KAZN: variants seen among roughly 807,000 people sequenced by gnomAD.
KAZN encodes the protein kazrin.
Under a neutral mutation model 87.4 loss-of-function variants are expected in KAZN, and 40 were observed. That is an observed-to-expected ratio of 0.46 (90% CI 0.36 to 0.60). The LOEUF is 0.60. Among genes scored for constraint, KAZN ranks in the 20% least tolerant of loss-of-function variants. The probability of loss-of-function intolerance (pLI) is 0.00; values close to 1 mark genes in which losing one functional copy is unlikely to be tolerated. For missense variants in KAZN, 898 were observed against 1,073.9 expected (o/e 0.84, Z 2.29); for synonymous variants, 466 against 458.3 (o/e 1.02, Z -0.22).
chr1:15,074,828 TA>T (rs1639668136), intron 8 of KAZN, among the ~76,000 whole-genome samples: 1 of 152,070 alleles, frequency 6.6e-6, no homozygotes, highest in Non-Finnish European at 1.5e-5. Flanking sequence ...ATGGGGACAA[TA>T]GGGGTGAAAA....
Position 15,046,095 on chromosome 1 carries a change from C to T in KAZN, c.726+1936C>T, listed in dbSNP as rs564032087. On this transcript the variant is annotated intron_variant, in intron 4 of 14. Transcript: ENST00000376030. ...GGTGGATCACCTGAGGTCAGGAGTT[C>T]GAGACCAGCCTGGCTAACACGGTGT... Among the ~76,000 whole-genome samples, 165 of 152,226 alleles carry T rather than the reference C, an allele frequency of 1.1e-3. 1 individual carries two copies. Among genetic ancestry groups the T allele is most frequent in the African/African-American group, 2.4e-3 (98 of 41,522 alleles).
At chr1:15,059,322 T>C (rs1638577639) in intron 5 of KAZN, among the ~76,000 whole-genome samples, 2 of 152,094 alleles carry the variant, frequency 1.3e-5, no homozygotes, top group African/African-American at 4.8e-5. Flanking sequence ...GGCTGAGACC[T>C]GGAGGATGAC....
intron 1 of KAZN, among the ~76,000 whole-genome samples, chr1:14,055,151 A>C (rs896472386): frequency 1.3e-5 from 2 of 152,242 alleles, no homozygotes; most frequent in African/African-American, 4.8e-5. Flanking sequence ...TGTGTAACCC[A>C]GAGTAAGTTA....
At chr1:14,002,347 C>T (rs1639832146) in intron 1 of KAZN, among the ~76,000 whole-genome samples, 1 of 152,138 alleles carries the variant, frequency 6.6e-6, no homozygotes, top group Non-Finnish European at 1.5e-5. Flanking sequence ...GTGAAAGGGA[C>T]CCAGAGGGAG....
intron 1 of KAZN, among the ~76,000 whole-genome samples, chr1:14,895,670 C>A (rs1655187409): frequency 6.6e-6 from 1 of 152,212 alleles, no homozygotes; most frequent in Admixed American, 6.5e-5. Flanking sequence ...TGTCCCAAGT[C>A]TTTTCAGCCC....
At chr1:14,225,339 C>G (rs1856522) in intron 2 of KAZN, among the ~76,000 whole-genome samples, 13,651 of 152,052 alleles carry the variant, frequency 0.09, 1,270 homozygotes, top group African/African-American at 0.22. Flanking sequence ...TGAAAGATCC[C>G]TACAGTGAGA....
chr1:14,556,711 A>G (rs537189990), intron 2 of KAZN, among the ~76,000 whole-genome samples: 2 of 152,256 alleles, frequency 1.3e-5, no homozygotes, highest in African/African-American at 4.8e-5. Flanking sequence ...TATCATTACC[A>G]TAACCTTAAG....
At chr1:14,889,277 A>C (rs1477226059) in intron 1 of KAZN, among the ~76,000 whole-genome samples, 1 of 152,240 alleles carries the variant, frequency 6.6e-6, no homozygotes, top group Non-Finnish European at 1.5e-5. Flanking sequence ...GAGAAATAGC[A>C]ATCTACCACA....
At chr1:14,155,113 A>G (rs1430139982) in intron 1 of KAZN, among the ~76,000 whole-genome samples, 4 of 152,150 alleles carry the variant, frequency 2.6e-5, no homozygotes, top group Admixed American at 6.6e-5. Context: ...TATGATTGCT[A>G]TTAATTCTTT....
At position 15,063,562 on chromosome 1, in the gene KAZN, C is replaced by G; in HGVS notation, c.1048-10C>G. 1 of 1,613,370 alleles carries G rather than the reference C, an allele frequency of 6.2e-7. No homozygotes were observed. Among genetic ancestry groups the G allele is most frequent in the South Asian group, 1.1e-5 (1 of 91,074 alleles). The stretch of plus-strand genomic sequence containing the variant: ...TGCTGTTTCATCTTCCTCTTCTCCT[C>G]TGGCTACAGGGCGACAGTCCCGGCC... On this transcript the variant is annotated splice_polypyrimidine_tract_variant and intron_variant, in intron 6 of 14. Transcript: ENST00000376030.
intron 1 of KAZN, among the ~76,000 whole-genome samples, chr1:14,752,218 C>T (rs866574807): frequency 2.0e-5 from 3 of 152,154 alleles, no homozygotes; most frequent in Middle Eastern, 3.2e-3. Flanking sequence ...AGGCCCACCT[C>T]TAATATTAGG....
At chr1:14,108,815 T>C (rs1245940128) in intron 1 of KAZN, among the ~76,000 whole-genome samples, 1 of 152,212 alleles carries the variant, frequency 6.6e-6, no homozygotes, top group African/African-American at 2.4e-5. Flanking sequence ...GCCGATTTCC[T>C]GTTCCCATTC....
intron 2 of KAZN, among the ~76,000 whole-genome samples, chr1:14,215,829 C>A (rs1202782143): frequency 6.6e-6 from 1 of 152,110 alleles, no homozygotes; most frequent in Non-Finnish European, 1.5e-5. Context: ...CTATAGAATC[C>A]AAGAACTAGA....
At chr1:14,917,401 T>C (rs925914374) in intron 1 of KAZN, among the ~76,000 whole-genome samples, 6 of 152,306 alleles carry the variant, frequency 3.9e-5, no homozygotes, top group South Asian at 2.1e-4. Context: ...CAAGTCACTT[T>C]GGAGCCCCCA....
chr1:14,943,163 T>G (rs1315761149), intron 1 of KAZN, among the ~76,000 whole-genome samples: 1 of 151,742 alleles, frequency 6.6e-6, no homozygotes, highest in Non-Finnish European at 1.5e-5. Flanking sequence ...GTTTGACCTT[T>G]GTGAATTGTG....
intron 2 of KAZN, among the ~76,000 whole-genome samples, chr1:14,997,295 C>T (rs1476154116): frequency 6.6e-6 from 1 of 151,344 alleles, no homozygotes; most frequent in Non-Finnish European, 1.5e-5. Context: ...GGCTGGAGTG[C>T]AATGGCGCGA....
chr1:14,427,528 A>G lies in KAZN; in HGVS notation c.250-171455A>G, dbSNP rs542221752. 9.9e-4 allele frequency among the ~76,000 whole-genome samples: 151 copies of G among 152,130 alleles called. 1 individual carries two copies. The South Asian group carries it at 0.02, about 20-fold the overall frequency. ...CTATAATTTAAACACACACACACAC[A>G]CACACAGTATACATGTAGACATGTA... On this transcript the variant is annotated intron_variant, in intron 2 of 16. Transcript: ENST00000636203.
intron 1 of KAZN, among the ~76,000 whole-genome samples, chr1:14,827,563 G>A (rs1387703224): frequency 1.3e-5 from 2 of 152,208 alleles, no homozygotes; most frequent in African/African-American, 4.8e-5. Flanking sequence ...ACACTAGGCT[G>A]ACAGACAGTA....
intron 10 of KAZN, among the ~76,000 whole-genome samples, chr1:15,100,348 A>C (rs955445713): frequency 1.1e-4 from 17 of 152,128 alleles, no homozygotes; most frequent in African/African-American, 3.9e-4. Flanking sequence ...GTGGCATGAC[A>C]AGCTGTCTCT....
Sources: allele counts gnomAD v4.1 joint callset (sites outside exome capture counted in the v4.1 genomes callset), GRCh38; gene constraint gnomAD v4.1.1; transcripts MANE v1.5; gene names NCBI Gene and HGNC (gene_info 2026-07-23, HGNC 2026-07-21).